Variants in CTNNA3 observed in about 807,000 individuals in gnomAD.
CTNNA3 encodes catenin alpha-3.
Under a neutral mutation model 95.7 loss-of-function variants are expected in CTNNA3, and 76 were observed. That is an observed-to-expected ratio of 0.79 (90% CI 0.66 to 0.96). The LOEUF (loss-of-function observed/expected upper bound fraction) is 0.96. Ranked by LOEUF, CTNNA3 falls within the 40% of genes least tolerant of loss-of-function variation. The pLI, the probability that CTNNA3 is intolerant of heterozygous loss-of-function variation, is 0.00. For synonymous variants in CTNNA3, 431 were observed against 374.4 expected (o/e 1.15, Z -1.74); for missense variants, 1,191 against 1,089.8 (o/e 1.09, Z -1.31).
At chr10:67,056,356 T>C (rs564457346) in intron 7 of CTNNA3, among the ~76,000 whole-genome samples, 1 of 152,292 alleles carries the variant, frequency 6.6e-6, no homozygotes, top group East Asian at 1.9e-4. Flanking sequence ...TAATTGGTCA[T>C]TGTTAGTCTT....
intron 13 of CTNNA3, among the ~76,000 whole-genome samples, chr10:66,108,399 T>A (rs191994827): frequency 6.6e-6 from 1 of 152,170 alleles, no homozygotes; most frequent in East Asian, 1.9e-4. Context: ...CTTAAGACTC[T>A]TTGTGTCTTT....
chr10:66,334,829 C>T (rs957657020), intron 12 of CTNNA3, among the ~76,000 whole-genome samples: 1 of 152,046 alleles, frequency 6.6e-6, no homozygotes, highest in African/African-American at 2.4e-5. Context: ...GCAGTGTTTT[C>T]CAACTTGGTT....
At chr10:67,619,051 T>C (rs1843746467) in intron 2 of CTNNA3, among the ~76,000 whole-genome samples, 1 of 152,166 alleles carries the variant, frequency 6.6e-6, no homozygotes, top group Non-Finnish European at 1.5e-5. Context: ...TATTGAACCT[T>C]CCATAACCAA....
chr10:67,419,640 T>C lies in CTNNA3; in HGVS notation c.579+102202A>G, dbSNP rs367809430. On this transcript the variant is annotated intron_variant, in intron 5 of 17. Coordinates refer to ENST00000433211, the MANE Select transcript of CTNNA3 (RefSeq NM_013266.4). ...TTCTCATATCTCTGAAGGATGTAAA[T>C]GAATATTAGCAAAACAGTTGGTCTT... 5.9e-5 allele frequency among the ~76,000 whole-genome samples: 9 copies of C among 152,296 alleles called. No homozygotes were observed. The East Asian group carries it at 1.2e-3, about 20-fold the overall frequency.
chr10:67,572,967 CAG>C (rs1842025139), intron 3 of CTNNA3, among the ~76,000 whole-genome samples: 1 of 152,098 alleles, frequency 6.6e-6, no homozygotes, highest in Non-Finnish European at 1.5e-5. Flanking sequence ...TGCACACCTA[CAG>C]TCCCAGCTAC....
At chr10:67,589,334 T>A (rs1377121606) in intron 3 of CTNNA3, among the ~76,000 whole-genome samples, 1 of 152,160 alleles carries the variant, frequency 6.6e-6, no homozygotes, top group East Asian at 1.9e-4. Flanking sequence ...GGACATATCT[T>A]ATTTATTTTT....
rs141911568 is a variant in CTNNA3 at position 65,925,467 on chromosome 10, C to T, written c.2401-4850G>A. On this transcript the variant is annotated intron_variant, in intron 17 of 17. Transcript: ENST00000433211. Reference sequence around the variant, plus strand: ...TTTTCTTTTTTTTGAGAAGGGGTCTCGCTCTGTTGTCCAGACTGGAGTGCA... The same window carrying T: ...TTTTCTTTTTTTTGAGAAGGGGTCTTGCTCTGTTGTCCAGACTGGAGTGCA... 6.5e-3 allele frequency among the ~76,000 whole-genome samples: 985 copies of T among 152,120 alleles called. 15 individuals carry two copies. Among genetic ancestry groups the T allele is most frequent in the African/African-American group, 0.021 (886 of 41,502 alleles).
intron 5 of CTNNA3, among the ~76,000 whole-genome samples, chr10:67,339,866 C>G (rs1311684893): frequency 4.6e-5 from 7 of 152,216 alleles, no homozygotes; most frequent in Admixed American, 2.6e-4. Flanking sequence ...TAAATAAGAA[C>G]TGTTCAGTTG....
intron 12 of CTNNA3, among the ~76,000 whole-genome samples, chr10:66,340,762 G>A (rs1014213501): frequency 3.3e-5 from 5 of 151,100 alleles, no homozygotes; most frequent in East Asian, 1.9e-4. Context: ...AGAGATATAC[G>A]GATGAGATAT....
At chr10:65,988,949 T>C (rs2078483349) in intron 15 of CTNNA3, 152 bp from the exon 16 acceptor site, 1 of 590,278 alleles carries the variant, frequency 1.7e-6, no homozygotes, top group Non-Finnish European at 3.0e-6. Flanking sequence ...GTTTTTGTGA[T>C]TGTTTGTTTT....
chr10:66,858,716 T>C (rs558848339), intron 7 of CTNNA3, among the ~76,000 whole-genome samples: 1 of 152,082 alleles, frequency 6.6e-6, no homozygotes, highest in South Asian at 2.1e-4. Context: ...TTTGTACTTC[T>C]GTGGGGTCAG....
chr10:66,190,422 G>C (rs764762410), intron 13 of CTNNA3, among the ~76,000 whole-genome samples: 2 of 152,112 alleles, frequency 1.3e-5, no homozygotes, highest in Non-Finnish European at 2.9e-5. Flanking sequence ...TTAGACCTGA[G>C]AATGCTCTGC....
At chr10:66,964,049 AC>A (rs1337951310) in intron 7 of CTNNA3, among the ~76,000 whole-genome samples, 3 of 151,364 alleles carry the variant, frequency 2.0e-5, no homozygotes, top group African/African-American at 7.3e-5. Flanking sequence ...ATGGGTTTTC[AC>A]CATGTTGGCC....
intron 9 of CTNNA3, among the ~76,000 whole-genome samples, chr10:66,658,579 C>T (rs1028882937): frequency 3.9e-5 from 6 of 152,082 alleles, no homozygotes; most frequent in Admixed American, 3.3e-4. Flanking sequence ...CCGTTAAGTG[C>T]CAGCATTGGA....
chr10:67,750,846 C>T, intron 1 of CTNNA3: 1 of 1,610,930 alleles, frequency 6.2e-7, no homozygotes, highest in Non-Finnish European at 8.5e-7. Flanking sequence ...TTGAGTGTCA[C>T]CCATACCTCA....
intron 17 of CTNNA3, among the ~76,000 whole-genome samples, chr10:65,944,999 G>C (rs1279148048): frequency 6.6e-6 from 1 of 151,958 alleles, no homozygotes; most frequent in African/African-American, 2.4e-5. Flanking sequence ...GCACCTTACA[G>C]AGATTGATTT....
chr10:67,531,562 A>C (rs2133184064), intron 4 of CTNNA3, among the ~76,000 whole-genome samples: 1 of 152,358 alleles, frequency 6.6e-6, no homozygotes, highest in East Asian at 1.9e-4. Context: ...GTATCTAGAA[A>C]GTAACTAACT....
intron 9 of CTNNA3, among the ~76,000 whole-genome samples, chr10:66,626,401 G>A (rs1395949577): frequency 1.3e-5 from 2 of 152,082 alleles, no homozygotes; most frequent in East Asian, 3.8e-4. Context: ...ATGTCACCAC[G>A]TCTCCTAGCT....
At chr10:66,779,646 C>T (rs1343299324) in intron 7 of CTNNA3, among the ~76,000 whole-genome samples, 1 of 152,206 alleles carries the variant, frequency 6.6e-6, no homozygotes, top group Non-Finnish European at 1.5e-5. Context: ...CAGGCATAAG[C>T]CACTGCACCT....
Sources: gnomAD v4.1 joint callset for allele counts (sites outside exome capture counted in the v4.1 genomes callset) on GRCh38, gnomAD v4.1.1 for gene constraint, MANE v1.5 for transcripts, NCBI Gene and HGNC (gene_info 2026-07-23, HGNC 2026-07-21) for gene names.